Variants in BLOC1S5 observed in about 807,000 individuals in gnomAD.
The protein encoded by BLOC1S5 is biogenesis of lysosome-related organelles complex 1 subunit 5.
Under a neutral mutation model 24.3 loss-of-function variants are expected in BLOC1S5, and 27 were observed. The ratio of observed to expected loss-of-function variants is 1.11; its 90% CI spans 0.82 to 1.53. The LOEUF (loss-of-function observed/expected upper bound fraction) is 1.53, where lower values mean the gene tolerates loss of function less well. Ranked by LOEUF, BLOC1S5 falls within the 40% of genes most tolerant of loss-of-function variation. The pLI, the probability that BLOC1S5 is intolerant of heterozygous loss-of-function variation, is 0.00. For synonymous variants in BLOC1S5, 84 were observed against 74.5 expected (o/e 1.13, Z -0.66); for missense variants, 239 against 229.4 (o/e 1.04, Z -0.27).
rs890119848 is a variant in BLOC1S5 at position 8,014,484 on chromosome 6, G to A, written c.*1165C>T. The A allele has an allele frequency of 2.6e-5, 4 of 152,186 alleles. No homozygotes were observed. Among genetic ancestry groups the A allele is most frequent in the African/African-American group, 9.7e-5 (4 of 41,438 alleles). 9.4% of individuals were successfully genotyped at this position (152,186 alleles called of 1,614,324 possible). On this transcript the variant is annotated 3_prime_UTR_variant, in exon 5 of 5. Coordinates refer to ENST00000397457, the MANE Select transcript of BLOC1S5 (RefSeq NM_201280.3). Reference sequence around the variant, plus strand: ...AGACGGGGTTTCACCATGTTGGCCAGGCTAGGCTTGAACTCCTGACTTCAA... The same window carrying A: ...AGACGGGGTTTCACCATGTTGGCCAAGCTAGGCTTGAACTCCTGACTTCAA...
At position 8,056,643 on chromosome 6, in the gene BLOC1S5, CAG is replaced by C. The variant is rs1764319378; in HGVS notation, c.195+5889_195+5890del. On this transcript the variant is annotated intron_variant, in intron 2 of 4. Transcript: ENST00000397457. ...GTTCAAAGACAAACACAACTAAGAACAGAGAGTGGAGCTATGCAGCTCCATTC... is the reference window on the plus strand; with the variant it reads ...GTTCAAAGACAAACACAACTAAGAACAGAGTGGAGCTATGCAGCTCCATTC... Among the ~76,000 whole-genome samples, 4 of 152,050 alleles carry C rather than the reference CAG, an allele frequency of 2.6e-5. 1 individual carries two copies. The South Asian group carries it at 8.3e-4, about 32-fold the overall frequency.
intron 2 of BLOC1S5, among the ~76,000 whole-genome samples, chr6:8,053,729 CCTTT>C (rs1274486244): frequency 1.3e-5 from 2 of 152,078 alleles, no homozygotes; most frequent in African/African-American, 4.8e-5. Context: ...TTTTAAATTC[CCTTT>C]CTTAAACAGA....
At chr6:8,064,013 T>C (rs1341463697) in intron 1 of BLOC1S5, among the ~76,000 whole-genome samples, 3 of 152,164 alleles carry the variant, frequency 2.0e-5, no homozygotes, top group African/African-American at 7.2e-5. Flanking sequence ...GCTTGCGGAA[T>C]GGACGGGGGC....
chr6:8,049,207 C>T (rs1294274190), intron 2 of BLOC1S5, among the ~76,000 whole-genome samples: 1 of 151,818 alleles, frequency 6.6e-6, no homozygotes, highest in Admixed American at 6.6e-5. Flanking sequence ...CCCATCTCTA[C>T]TAAAAATACA....
At chr6:8,028,018 T>C (rs556571154) in intron 3 of BLOC1S5, among the ~76,000 whole-genome samples, 21 of 152,324 alleles carry the variant, frequency 1.4e-4, no homozygotes, top group Admixed American at 6.5e-4. Flanking sequence ...CTGAGGATTT[T>C]CCCTATTTGA....
chr6:8,023,285 T>C (rs1015376955), intron 4 of BLOC1S5, among the ~76,000 whole-genome samples: 1 of 152,240 alleles, frequency 6.6e-6, no homozygotes, highest in Non-Finnish European at 1.5e-5. Flanking sequence ...AATGTACTTT[T>C]AGATATCAAT....
At chr6:8,022,640 A>G (rs1273286931) in intron 4 of BLOC1S5, among the ~76,000 whole-genome samples, 2 of 121,638 alleles carry the variant, frequency 1.6e-5, no homozygotes, top group African/African-American at 3.6e-5. Context: ...GCTGGAGTGC[A>G]GTGGCGGGAT....
chr6:8,034,292 T>C (rs1003265114), intron 3 of BLOC1S5, among the ~76,000 whole-genome samples: 1 of 152,202 alleles, frequency 6.6e-6, no homozygotes, highest in Admixed American at 6.5e-5. Flanking sequence ...TGGAATACTA[T>C]GCAGCCATAA....
chr6:8,037,067 C>G (rs1035293170), intron 3 of BLOC1S5, among the ~76,000 whole-genome samples: 1 of 152,136 alleles, frequency 6.6e-6, no homozygotes, highest in Non-Finnish European at 1.5e-5. Context: ...CCTATAAGAT[C>G]CAGAACAAGA....
chr6:8,019,136 T>C (rs914074641), intron 4 of BLOC1S5, among the ~76,000 whole-genome samples: 3 of 152,228 alleles, frequency 2.0e-5, no homozygotes, highest in African/African-American at 7.2e-5. Flanking sequence ...CGAGTGAAAA[T>C]AAGCTAAAAG....
chr6:8,063,418 G>GT (rs1326774932), intron 1 of BLOC1S5, among the ~76,000 whole-genome samples: 1 of 152,172 alleles, frequency 6.6e-6, no homozygotes, highest in Non-Finnish European at 1.5e-5. Flanking sequence ...AGTTTAAAAT[G>GT]TAAGTCTCAA....
chr6:8,024,855 G>A (rs2113525523), intron 4 of BLOC1S5, among the ~76,000 whole-genome samples: 1 of 152,324 alleles, frequency 6.6e-6, no homozygotes, highest in Non-Finnish European at 1.5e-5. Context: ...TAGATCATTA[G>A]TTTGCAAACG....
In BLOC1S5 at chr6:8,064,284, T is replaced by G. The variant is rs746617872; in HGVS notation, c.93A>C (p.Ser31=). The change falls in exon 1 of 5, where the codon TCA becomes TCC. Residue 31 remains serine (S), a synonymous_variant. Coordinates refer to ENST00000397457, the MANE Select transcript of BLOC1S5 (RefSeq NM_201280.3). ...CCGTACCCTTGATAATGAGGTGCGC[T>G]GAGCCCGCAGTCCCCAGGGAGTCCC... is the stretch of plus-strand genomic sequence containing the variant. The part of the protein sequence containing the change: ...KKRDSLGTAG[S]AHLIIKDLGE... The G allele has an allele frequency of 1.1e-5, 18 of 1,613,802 alleles. No individual in the cohort carries two copies. In the Admixed American group the frequency reaches 2.7e-4, roughly 24 times the overall value.
At chr6:8,058,497 T>C (rs1764399786) in intron 2 of BLOC1S5, among the ~76,000 whole-genome samples, 1 of 151,914 alleles carries the variant, frequency 6.6e-6, no homozygotes. Flanking sequence ...AATGGTCTCT[T>C]AGTTCAAAGA....
chr6:8,018,494 G>A (rs1762814517), intron 4 of BLOC1S5, among the ~76,000 whole-genome samples: 2 of 152,144 alleles, frequency 1.3e-5, no homozygotes, highest in Non-Finnish European at 2.9e-5. Context: ...GCAACAGCCC[G>A]TGTTCCCCTT....
rs1211939943 is a variant in BLOC1S5 at position 8,013,666 on chromosome 6, C to A, written c.*1983G>T. The A allele has an allele frequency of 2.0e-5, 3 of 152,188 alleles. No individual in the cohort carries two copies. Among genetic ancestry groups the A allele is most frequent in the Non-Finnish European group, 4.4e-5 (3 of 68,036 alleles). 9.4% of individuals were successfully genotyped at this position (152,188 alleles called of 1,614,324 possible). A position where few individuals can be genotyped will look rare whatever the true frequency, so the allele number is the denominator to read the frequency against. On this transcript the variant is annotated 3_prime_UTR_variant, in exon 5 of 5. Coordinates refer to ENST00000397457, the MANE Select transcript of BLOC1S5 (RefSeq NM_201280.3). Reference sequence around the variant, plus strand: ...CACAGTTAAGAATATATTCCCTTCACACACACAATCTTAATTTCTTGGTTA... The same window carrying A: ...CACAGTTAAGAATATATTCCCTTCAAACACACAATCTTAATTTCTTGGTTA...
intron 2 of BLOC1S5, chr6:8,054,171 C>T: frequency 2.6e-6 from 1 of 390,360 alleles, no homozygotes; most frequent in African/African-American, 2.1e-5. Context: ...CCAGCTTTTC[C>T]CTCCTTTTTG....
chr6:8,062,848 T>A (rs1757313972), intron 1 of BLOC1S5, among the ~76,000 whole-genome samples: 1 of 152,206 alleles, frequency 6.6e-6, no homozygotes, highest in South Asian at 2.1e-4. Context: ...AGCATTTTCA[T>A]GCCTAGGTAT....
chr6:8,044,393 C>T (rs756173348), intron 2 of BLOC1S5, among the ~76,000 whole-genome samples: 25 of 151,684 alleles, frequency 1.6e-4, no homozygotes, highest in Admixed American at 2.6e-4. Context: ...TTTTTCTTTC[C>T]AGTCTTGGGT....
Sources: allele counts gnomAD v4.1 joint callset (sites outside exome capture counted in the v4.1 genomes callset), GRCh38; gene constraint gnomAD v4.1.1; transcripts MANE v1.5; gene names NCBI Gene and HGNC (gene_info 2026-07-23, HGNC 2026-07-21).